The following MYEF2 variants were observed in gnomAD, a reference collection of about 807,000 sequenced individuals.
MYEF2 encodes the protein myelin gene expression factor 2.
A neutral mutation model predicts 75.2 loss-of-function variants in MYEF2; 37 were observed. That is an observed-to-expected ratio of 0.49 (90% CI 0.38 to 0.65). MYEF2 has a LOEUF of 0.65. Among genes scored for constraint, MYEF2 ranks in the 30% least tolerant of loss-of-function variants. The pLI, the probability that MYEF2 is intolerant of heterozygous loss-of-function variation, is 0.00. For synonymous variants in MYEF2, 195 were observed against 241.6 expected (o/e 0.81, Z 1.79); for missense variants, 634 against 771.4 (o/e 0.82, Z 2.11).
chr15:48,134,912 TCAGAGACTGTG>T lies in MYEF2; in HGVS notation c.*7985_*7995del. On this transcript the variant is annotated 3_prime_UTR_variant, in exon 17 of 17. Coordinates refer to ENST00000324324, the MANE Select transcript of MYEF2 (RefSeq NM_016132.5). ...TCAACACTATCATGTTGGCCCCTAT[TCAGAGACTGTG>T]CAGCGTACACAATTAGTGCAGCAGC... 8 of 1,612,340 alleles carry T rather than the reference TCAGAGACTGTG, an allele frequency of 5.0e-6. No individual in the cohort carries two copies. The highest frequency in any genetic ancestry group is 6.8e-6 in the Non-Finnish European group (8 of 1,178,892).
chr15:48,156,529 T>C (rs965443953), intron 9 of MYEF2, among the ~76,000 whole-genome samples: 3 of 144,606 alleles, frequency 2.1e-5, no homozygotes, highest in Non-Finnish European at 4.6e-5. Flanking sequence ...AGACAGAAAA[T>C]ATAAACCATC....
rs1376050285 is a variant in MYEF2, at chr15:48,149,339, C to T, written c.1411G>A (p.Gly471Arg). ...CGGTCCAGTCCCATCCCCATTCCTC[C>T]AGTCACACTGTTCATGCTACCCATT... ...GGMGSMNSVT[G>R]GMGMGLDRMS... is the part of the protein sequence containing the mutation. Residue 471 changes from glycine to arginine, a missense_variant, in exon 15 of 17, where the codon GGA (glycine) becomes AGA (arginine). Transcript: ENST00000324324. This position sits in a 1 kb window ranked among gnomAD's most constrained non-coding sequence, Gnocchi z 4.0. 6.2e-7 allele frequency: 1 copy of T among 1,612,998 alleles called. No individual in the cohort carries two copies. Among genetic ancestry groups the T allele is most frequent in the Non-Finnish European group, 8.5e-7 (1 of 1,179,258 alleles).
At chr15:48,178,021 C>A in intron 1 of MYEF2, 56 bp downstream of exon 1, 1 of 1,542,962 alleles carries the variant, frequency 6.5e-7, no homozygotes, top group African/African-American at 1.4e-5. Flanking sequence ...CCTCTAGCCG[C>A]CCGGTAGACT....
In MYEF2 at chr15:48,141,194, G is replaced by T. The variant is rs376006338; in HGVS notation, c.*1714C>A. 6.2e-7 allele frequency: 1 copy of T among 1,613,384 alleles called. No homozygotes were observed. ...ACAAGCATACCAGACACAATTGCAA[G>T]TGTGTTGGTTGCAAGAAAAGGTAAG... On this transcript the variant is annotated 3_prime_UTR_variant, in exon 17 of 17. Transcript: ENST00000324324.
intron 7 of MYEF2, 43 bp downstream of exon 7, chr15:48,158,726 T>C (rs542712279): frequency 6.2e-7 from 1 of 1,609,132 alleles, no homozygotes; most frequent in Non-Finnish European, 8.5e-7. Flanking sequence ...GGTATTATGC[T>C]TCTTCAACCT....
Position 48,149,440 on chromosome 15 carries a change from G to A in MYEF2, c.1379-69C>T. On this transcript the variant is annotated intron_variant, in intron 14 of 16. Transcript: ENST00000324324. The surrounding 1 kb of genome is among the most constrained non-coding windows in gnomAD (Gnocchi z 4.0). ...TTTTGTTTCAAAAACATAAGGAAAA[G>A]GAGAAGAGGAGAAAGGAGGAAAAGG... is the stretch of plus-strand genomic sequence containing the variant. The A allele has an allele frequency of 7.2e-7, 1 of 1,392,162 alleles. No individual in the cohort carries two copies. Among genetic ancestry groups the A allele is most frequent in the East Asian group, 2.3e-5 (1 of 43,614 alleles). The allele number at this position is 1,392,162 out of a possible 1,614,324, so 86.2% of individuals were successfully genotyped here.
chr15:48,147,442 T>G (rs1056542549), intron 16 of MYEF2, among the ~76,000 whole-genome samples: 9 of 151,362 alleles, frequency 5.9e-5, no homozygotes, highest in Non-Finnish European at 1.0e-4. Flanking sequence ...ATTTGGAGAT[T>G]TTTTTTTTCA....
In MYEF2 at chr15:48,138,789, C is replaced by A; in HGVS notation, c.*4119G>T. ...GAGTATCACATCTTACATTGTCTGC[C>A]CTAAAGTTTCAATTAGTTTCTTTTC... On this transcript the variant is annotated 3_prime_UTR_variant, in exon 17 of 17. Coordinates refer to ENST00000324324, the MANE Select transcript of MYEF2 (RefSeq NM_016132.5). 1.8e-6 allele frequency: 1 copy of A among 570,868 alleles called. No individual in the cohort carries two copies. The highest frequency in any genetic ancestry group is 2.4e-5 in the South Asian group (1 of 42,264). 35.4% of individuals were successfully genotyped at this position (570,868 alleles called of 1,614,324 possible).
At chr15:48,150,131 T>C (rs1451275699) in intron 14 of MYEF2, 4 of 152,076 alleles carry the variant, frequency 2.6e-5, no homozygotes, top group Non-Finnish European at 5.9e-5. Flanking sequence ...TCAAACCTTT[T>C]GTCTTGTATG....
rs1429576746 is a variant in MYEF2 at position 48,135,413 on chromosome 15, C to A, written c.*7495G>T. 1 of 153,450 alleles carries A rather than the reference C, an allele frequency of 6.5e-6. No homozygotes were observed. Among genetic ancestry groups the A allele is most frequent in the Admixed American group, 6.5e-5 (1 of 15,450 alleles). 9.5% of individuals were successfully genotyped at this position (153,450 alleles called of 1,614,324 possible). On this transcript the variant is annotated 3_prime_UTR_variant, in exon 17 of 17. Coordinates refer to ENST00000324324, the MANE Select transcript of MYEF2 (RefSeq NM_016132.5). ...GTAAAAGAAGTCTTTTTAAATTCCT[C>A]CAAACTTCTGATGCTCATTCAGGAG...
At chr15:48,153,075 A>G (rs1055808981) in intron 10 of MYEF2, 1 of 149,470 alleles carries the variant, frequency 6.7e-6, no homozygotes, top group African/African-American at 2.6e-5. Context: ...AAGTGCAGAA[A>G]CAGATATAAC....
At chr15:48,156,216 TAAG>T (rs1173502218) in intron 9 of MYEF2, among the ~76,000 whole-genome samples, 1 of 152,064 alleles carries the variant, frequency 6.6e-6, no homozygotes, top group East Asian at 1.9e-4. Flanking sequence ...GCATTCAACT[TAAG>T]GAGTTAGGAC....
Position 48,139,339 on chromosome 15 carries a change from G to A in MYEF2, c.*3569C>T. ...TAAGTATTACTATAACAAGATCACTGGAGTTTGTGAGTTGCATATTATATA... is the reference window on the plus strand; with the variant it reads ...TAAGTATTACTATAACAAGATCACTAGAGTTTGTGAGTTGCATATTATATA... On this transcript the variant is annotated 3_prime_UTR_variant, in exon 17 of 17. Transcript: ENST00000324324. The A allele has an allele frequency of 1.8e-6, 1 of 558,090 alleles. No individual in the cohort carries two copies. The highest frequency in any genetic ancestry group is 2.7e-5 in the South Asian group (1 of 36,558). The allele number at this position is 558,090 out of a possible 1,614,324, so 34.6% of individuals were successfully genotyped here.
In MYEF2 at chr15:48,134,789, T is replaced by A; in HGVS notation, c.*8119A>T. 9.9e-7 allele frequency: 1 copy of A among 1,009,318 alleles called. No individual in the cohort carries two copies. The highest frequency in any genetic ancestry group is 1.6e-5 in the South Asian group (1 of 61,394). The allele number at this position is 1,009,318 out of a possible 1,614,324, so 62.5% of individuals were successfully genotyped here. A position where few individuals can be genotyped will look rare whatever the true frequency, so the allele number is the denominator to read the frequency against. On this transcript the variant is annotated 3_prime_UTR_variant, in exon 17 of 17. Transcript: ENST00000324324. ...AGCAATATGCAAAAGATAACAATATTTAACTACAAATATATAAACAATTTT... is the reference window on the plus strand; with the variant it reads ...AGCAATATGCAAAAGATAACAATATATAACTACAAATATATAAACAATTTT...
intron 12 of MYEF2, 62 bp from the exon 13 acceptor site, chr15:48,151,633 A>G: frequency 6.9e-7 from 1 of 1,441,512 alleles, no homozygotes; most frequent in South Asian, 1.2e-5. Flanking sequence ...GAAAACATTC[A>G]GGAATGTATC....
chr15:48,158,716 G>A (rs1284733411), intron 7 of MYEF2, 53 bp downstream of exon 7: 20 of 1,600,082 alleles, frequency 1.2e-5, no homozygotes, highest in African/African-American at 2.7e-5. Context: ...AAACAAAGGT[G>A]GTATTATGCT....
chr15:48,142,992 T>C lies in MYEF2; in HGVS notation c.1719A>G (p.Glu573=). ...TTATTCTGCAGGCTTTTTCAGCTGATTCTGGGGAGTCAAATCTGACTGTTC... is the reference window on the plus strand; with the variant it reads ...TTATTCTGCAGGCTTTTTCAGCTGACTCTGGGGAGTCAAATCTGACTGTTC... ...GCGTVRFDSP[E]SAEKACRIMN... Residue 573 remains glutamate, a synonymous_variant, in exon 17 of 17, where the codon GAA becomes GAG. Coordinates refer to ENST00000324324, the MANE Select transcript of MYEF2 (RefSeq NM_016132.5). The C allele has an allele frequency of 1.2e-6, 2 of 1,604,222 alleles. No individual in the cohort carries two copies. The highest frequency in any genetic ancestry group is 2.3e-5 in the East Asian group (1 of 43,962).
chr15:48,155,796 A>T (rs1174550598), intron 9 of MYEF2, among the ~76,000 whole-genome samples: 14 of 142,748 alleles, frequency 9.8e-5, no homozygotes, highest in African/African-American at 3.7e-4. Flanking sequence ...TTTTTTTGAG[A>T]CAGAGTCTCC....
At position 48,178,228 on chromosome 15, in the gene MYEF2, C is replaced by G; in HGVS notation, c.10G>C (p.Ala4Pro). MAD[A>P]NKAEVPGATG... ...GCCCCGGGCACCTCGGCCTTGTTGGCGTCCGCCATCCCGCCGCCGCTGCCT... is the reference window on the plus strand; with the variant it reads ...GCCCCGGGCACCTCGGCCTTGTTGGGGTCCGCCATCCCGCCGCCGCTGCCT... The change falls in exon 1 of 17, where the codon GCC (alanine) becomes CCC (proline). Residue 4 changes from alanine to proline, a missense_variant. By Grantham distance (27) the Ala-to-Pro change is conservative (BLOSUM62 -1). Coordinates refer to ENST00000324324, the MANE Select transcript of MYEF2 (RefSeq NM_016132.5). 9 of 1,408,532 alleles carry G rather than the reference C, an allele frequency of 6.4e-6. No homozygotes were observed. The highest frequency in any genetic ancestry group is 8.3e-6 in the Non-Finnish European group (9 of 1,086,326). The allele number at this position is 1,408,532 out of a possible 1,614,324, so 87.3% of individuals were successfully genotyped here. A position where few individuals can be genotyped will look rare whatever the true frequency, so the allele number is the denominator to read the frequency against.
Sources: allele counts gnomAD v4.1 joint callset (sites outside exome capture counted in the v4.1 genomes callset), GRCh38; gene constraint gnomAD v4.1.1; non-coding constraint Gnocchi (gnomAD v3.1); transcripts MANE v1.5; gene names NCBI Gene and HGNC (gene_info 2026-07-23, HGNC 2026-07-21).